The following NIM1K variants were observed in gnomAD, a reference collection of about 807,000 sequenced individuals.
NIM1K encodes the protein serine/threonine-protein kinase NIM1.
A neutral mutation model predicts 37.1 loss-of-function variants in NIM1K; 35 were observed. The observed-to-expected ratio is 0.94, with a 90% CI of 0.72 to 1.25. The LOEUF is 1.25. Among genes scored for constraint, NIM1K ranks in the 50% most tolerant of loss-of-function variants. The pLI, the probability that NIM1K is intolerant of heterozygous loss-of-function variation, is 0.00. For missense variants in NIM1K, 564 were observed against 548.0 expected, an observed-to-expected ratio of 1.03 and a Z score of -0.29; for synonymous variants, 234 against 206.6, an observed-to-expected ratio of 1.13 and a Z score of -1.14.
At chr5:43,196,227 G>A (rs879419693) in intron 1 of NIM1K, among the ~76,000 whole-genome samples, 9 of 152,054 alleles carry the variant, frequency 5.9e-5, no homozygotes, top group Non-Finnish European at 1.2e-4. Flanking sequence ...ATAATATATG[G>A]ATACACTTGA....
rs565497237 is a variant in NIM1K at position 43,222,993 on chromosome 5, G to A, written c.-694-22089G>A. 4.6e-5 allele frequency among the ~76,000 whole-genome samples: 7 copies of A among 152,090 alleles called. No homozygotes were observed. The South Asian group carries it at 1.5e-3, about 32-fold the overall frequency. ...ATCTCTACTAAAAATACAAAAATTA[G>A]CCTGGCGTGGTGGTGCATGCCTGTA... On this transcript the variant is annotated intron_variant, in intron 1 of 3. Transcript: ENST00000326035.
intron 2 of NIM1K, among the ~76,000 whole-genome samples, chr5:43,274,698 G>A (rs184940015): frequency 1.8e-3 from 269 of 152,296 alleles, no homozygotes; most frequent in African/African-American, 6.0e-3. Context: ...CCCTCCCACC[G>A]CTCAGTATTG....
At chr5:43,217,832 C>A (rs1221071774) in intron 1 of NIM1K, among the ~76,000 whole-genome samples, 1 of 151,202 alleles carries the variant, frequency 6.6e-6, no homozygotes, top group Non-Finnish European at 1.5e-5. Flanking sequence ...CTGCCTCAGC[C>A]TCCCGAGTAC....
At chr5:43,264,517 C>T (rs573611845) in intron 2 of NIM1K, among the ~76,000 whole-genome samples, 1 of 152,244 alleles carries the variant, frequency 6.6e-6, no homozygotes, top group Admixed American at 6.5e-5. Flanking sequence ...ATGTGTGTCT[C>T]TGCATGTGAG....
At chr5:43,257,177 T>C (rs1471346056) in intron 2 of NIM1K, among the ~76,000 whole-genome samples, 1 of 151,582 alleles carries the variant, frequency 6.6e-6, no homozygotes, top group Non-Finnish European at 1.5e-5. Flanking sequence ...AAGCCAGGAG[T>C]GTGGGTTGTC....
At position 43,245,592 on chromosome 5, in the gene NIM1K, C is replaced by G. The variant is rs756498631; in HGVS notation, c.-184C>G. On this transcript the variant is annotated 5_prime_UTR_variant, in exon 2 of 4. Coordinates refer to ENST00000326035, the MANE Select transcript of NIM1K (RefSeq NM_153361.4). ...AGCTCCTGGCTGGGCTGGGCAGACTCAGCTACCACGTTCACTGCCTTCCTC... is the reference window on the plus strand; with the variant it reads ...AGCTCCTGGCTGGGCTGGGCAGACTGAGCTACCACGTTCACTGCCTTCCTC... 56 of 559,120 alleles carry G rather than the reference C, an allele frequency of 1.0e-4. No individual in the cohort carries two copies. The highest frequency in any genetic ancestry group is 5.1e-4 in the Admixed American group (16 of 31,442). The allele number at this position is 559,120 out of a possible 1,614,324, so 34.6% of individuals were successfully genotyped here. A position where few individuals can be genotyped will look rare whatever the true frequency, so the allele number is the denominator to read the frequency against.
At chr5:43,271,238 C>G (rs754463168) in intron 2 of NIM1K, among the ~76,000 whole-genome samples, 2 of 152,082 alleles carry the variant, frequency 1.3e-5, no homozygotes, top group Non-Finnish European at 1.5e-5. Flanking sequence ...GGCCAACTCT[C>G]CAGCCTCTTT....
chr5:43,222,316 G>A, intron 1 of NIM1K, among the ~76,000 whole-genome samples: 1 of 152,204 alleles, frequency 6.6e-6, no homozygotes, highest in Non-Finnish European at 1.5e-5. Context: ...GTGGGTTGCT[G>A]GGTGGGCAGT....
At chr5:43,267,982 G>A (rs1753194110) in intron 2 of NIM1K, among the ~76,000 whole-genome samples, 1 of 152,130 alleles carries the variant, frequency 6.6e-6, no homozygotes, top group African/African-American at 2.4e-5. Flanking sequence ...TTAGAGTATT[G>A]TTTAAGTCAT....
intron 1 of NIM1K, chr5:43,232,519 A>G: frequency 1.3e-6 from 2 of 1,567,042 alleles, no homozygotes; most frequent in Non-Finnish European, 1.8e-6. Flanking sequence ...GGCGTTCAGT[A>G]TCAAGGTTCT....
intron 2 of NIM1K, among the ~76,000 whole-genome samples, chr5:43,263,142 A>T (rs1245571733): frequency 6.6e-6 from 1 of 151,984 alleles, no homozygotes; most frequent in Non-Finnish European, 1.5e-5. Flanking sequence ...GTTAGGGAGG[A>T]TTCCCTCTTT....
intron 2 of NIM1K, among the ~76,000 whole-genome samples, chr5:43,264,140 C>T (rs558081608): frequency 5.3e-5 from 8 of 152,234 alleles, no homozygotes; most frequent in East Asian, 1.9e-4. Context: ...GTTAGGTCTG[C>T]GTGGTGCAGA....
At position 43,276,956 on chromosome 5, in the gene NIM1K, C is replaced by A. The variant is rs1753350580; in HGVS notation, c.293-101C>A. On this transcript the variant is annotated intron_variant, in intron 2 of 3. Transcript: ENST00000326035. Reference sequence around the variant, plus strand: ...TGAGCTCTCTCAGCTTGGGAACAGCCACTCTCTGTCTAGTAAAGGAAAGGA... The same window carrying A: ...TGAGCTCTCTCAGCTTGGGAACAGCAACTCTCTGTCTAGTAAAGGAAAGGA... 26 of 1,182,116 alleles carry A rather than the reference C, an allele frequency of 2.2e-5. No individual in the cohort carries two copies. The South Asian group carries it at 3.3e-4, about 15-fold the overall frequency. 73.2% of individuals were successfully genotyped at this position (1,182,116 alleles called of 1,614,324 possible).
At chr5:43,250,122 G>T (rs552901965) in intron 2 of NIM1K, among the ~76,000 whole-genome samples, 1 of 152,160 alleles carries the variant, frequency 6.6e-6, no homozygotes, top group East Asian at 1.9e-4. Flanking sequence ...AAAGTGCTGG[G>T]ATTACAGGCA....
chr5:43,206,708 A>T (rs56183425), intron 1 of NIM1K: 1 of 709,120 alleles, frequency 1.4e-6, no homozygotes, highest in Non-Finnish European at 2.6e-6. Flanking sequence ...GCCTCGCCTC[A>T]CTAAGGCAGC....
At chr5:43,253,663 GTT>G (rs756961168) in intron 2 of NIM1K, among the ~76,000 whole-genome samples, 2 of 143,922 alleles carry the variant, frequency 1.4e-5, no homozygotes, top group Non-Finnish European at 3.1e-5. Flanking sequence ...CTACTGAAGA[GTT>G]TTTTTTTTTT....
rs1167155558 is a variant in NIM1K, at chr5:43,280,062, T to C, written c.644T>C (p.Phe215Ser). ...TSNTCVKVGD[F>S]GFSTVSKKGE... ...AATACTTGTGTGAAGGTGGGCGATT[T>C]TGGATTCAGCACAGTAAGCAAAAAA... The change falls in exon 4 of 4, where the codon TTT becomes TCT. Residue 215 changes from phenylalanine (F) to serine (S), a missense_variant. Phe to Ser is a radical substitution (Grantham distance 155, BLOSUM62 -2). Coordinates refer to ENST00000326035, the MANE Select transcript of NIM1K (RefSeq NM_153361.4). 19 of 1,614,048 alleles carry C rather than the reference T, an allele frequency of 1.2e-5. No individual in the cohort carries two copies. The highest frequency in any genetic ancestry group is 1.4e-5 in the Non-Finnish European group (17 of 1,180,030).
At chr5:43,258,321 A>G (rs1752976586) in intron 2 of NIM1K, among the ~76,000 whole-genome samples, 1 of 152,200 alleles carries the variant, frequency 6.6e-6, no homozygotes, top group Admixed American at 6.5e-5. Context: ...CATTGTATGA[A>G]TGTAGTACCA....
chr5:43,239,201 T>A (rs1011034941), intron 1 of NIM1K, among the ~76,000 whole-genome samples: 15 of 147,204 alleles, frequency 1.0e-4, no homozygotes, highest in African/African-American at 3.4e-4. Context: ...CAAAAATGTA[T>A]TGACATTTCT....
Sources: gnomAD v4.1 joint callset for allele counts (sites outside exome capture counted in the v4.1 genomes callset) on GRCh38, gnomAD v4.1.1 for gene constraint, MANE v1.5 for transcripts, NCBI Gene and HGNC (gene_info 2026-07-23, HGNC 2026-07-21) for gene names.